Variants in SNX29 observed in about 807,000 individuals in gnomAD.
SNX29 encodes sorting nexin 29, also known as sorting nexin-29.
Under a neutral mutation model 102.1 loss-of-function variants are expected in SNX29, and 78 were observed. The observed-to-expected ratio is 0.76, with a 90% confidence interval of 0.64 to 0.92. The LOEUF (loss-of-function observed/expected upper bound fraction) is 0.92. SNX29 is among the 40% of genes least tolerant of loss of function. The probability of loss-of-function intolerance (pLI) is 0.00; values close to 1 mark genes in which losing one functional copy is unlikely to be tolerated. For synonymous variants in SNX29, 580 were observed against 414.5 expected (o/e 1.40, Z -4.85); for missense variants, 1,280 against 1,061.7 (o/e 1.21, Z -2.86).
intron 20 of SNX29, among the ~76,000 whole-genome samples, chr16:12,525,986 C>T (rs1167426259): frequency 3.9e-5 from 6 of 152,074 alleles, no homozygotes; most frequent in Non-Finnish European, 5.9e-5. Flanking sequence ...TTAGGGGAAC[C>T]AAAACCATCA....
At chr16:12,114,360 C>T (rs956200263) in intron 11 of SNX29, among the ~76,000 whole-genome samples, 4 of 152,312 alleles carry the variant, frequency 2.6e-5, no homozygotes, top group African/African-American at 7.2e-5. Flanking sequence ...CGTCCATGAC[C>T]TGTGGCCATG....
intron 19 of SNX29, among the ~76,000 whole-genome samples, chr16:12,508,281 A>G (rs897027953): frequency 1.3e-5 from 2 of 152,122 alleles, no homozygotes; most frequent in Non-Finnish European, 1.5e-5. Flanking sequence ...GCTGGGCCCC[A>G]TGCTTCCCAG....
intron 15 of SNX29, among the ~76,000 whole-genome samples, chr16:12,314,334 T>C (rs1253596781): frequency 6.6e-6 from 1 of 152,252 alleles, no homozygotes; most frequent in Non-Finnish European, 1.5e-5. Flanking sequence ...ATGAATGGTC[T>C]GCAGATGTAA....
At chr16:12,223,792 T>C (rs1161703963) in intron 14 of SNX29, among the ~76,000 whole-genome samples, 2 of 152,202 alleles carry the variant, frequency 1.3e-5, no homozygotes, top group Non-Finnish European at 2.9e-5. Flanking sequence ...TTTTCATCTG[T>C]CATCATGGTG....
At chr16:12,125,663 G>A (rs1235500155) in intron 11 of SNX29, among the ~76,000 whole-genome samples, 4 of 112,074 alleles carry the variant, frequency 3.6e-5, no homozygotes, top group Non-Finnish European at 6.6e-5. Context: ...TCACTATGTC[G>A]ACCAGGCTGG....
intron 15 of SNX29, among the ~76,000 whole-genome samples, chr16:12,305,878 T>A (rs1389471765): frequency 2.0e-5 from 3 of 152,198 alleles, no homozygotes; most frequent in Admixed American, 6.5e-5. Flanking sequence ...TGTAACCTGT[T>A]CGGATTTAAA....
chr16:12,250,437 A>G (rs2078388530), intron 14 of SNX29, among the ~76,000 whole-genome samples: 1 of 152,140 alleles, frequency 6.6e-6, no homozygotes, highest in Non-Finnish European at 1.5e-5. Flanking sequence ...TGTCAGGCAG[A>G]AGAGGGTTTT....
At chr16:12,274,619 C>T (rs1596717745) in intron 14 of SNX29, among the ~76,000 whole-genome samples, 1 of 151,976 alleles carries the variant, frequency 6.6e-6, no homozygotes, top group African/African-American at 2.4e-5. Context: ...TCACTGCAAC[C>T]TCTGCCTCCG....
At chr16:12,260,168 T>G (rs2078692377) in intron 14 of SNX29, among the ~76,000 whole-genome samples, 1 of 152,186 alleles carries the variant, frequency 6.6e-6, no homozygotes, top group Non-Finnish European at 1.5e-5. Context: ...TAAACCTATC[T>G]TTTTTATCCC....
At chr16:12,554,415 T>C (rs76216803) in intron 20 of SNX29, among the ~76,000 whole-genome samples, 2,439 of 152,322 alleles carry the variant, frequency 0.016, 48 homozygotes, top group African/African-American at 0.056. Context: ...TCTTCTGTAA[T>C]GTCAGCGTGT....
At chr16:12,423,140 T>G (rs900167881) in intron 18 of SNX29, among the ~76,000 whole-genome samples, 4 of 151,718 alleles carry the variant, frequency 2.6e-5, no homozygotes, top group Admixed American at 6.6e-5. Context: ...GTTCCAAAGA[T>G]GGACCCTCGG....
chr16:12,184,843 C>T (rs1243989232), intron 13 of SNX29, among the ~76,000 whole-genome samples: 1 of 152,184 alleles, frequency 6.6e-6, no homozygotes, highest in Non-Finnish European at 1.5e-5. Flanking sequence ...TTGAGGGAGT[C>T]TTGTTTTCCT....
chr16:12,075,609 C>G (rs1240523328), intron 10 of SNX29, among the ~76,000 whole-genome samples: 1 of 152,346 alleles, frequency 6.6e-6, no homozygotes, highest in Middle Eastern at 3.4e-3. Flanking sequence ...GCTCAGGGGT[C>G]AGGGGTCAGG....
intron 16 of SNX29, among the ~76,000 whole-genome samples, chr16:12,359,271 C>T (rs776064095): frequency 2.0e-5 from 3 of 152,172 alleles, no homozygotes; most frequent in African/African-American, 4.8e-5. Flanking sequence ...CCCAAGAAGT[C>T]GTCTTTGTTG....
At chr16:12,202,623 C>A (rs2076940280) in intron 14 of SNX29, among the ~76,000 whole-genome samples, 1 of 152,230 alleles carries the variant, frequency 6.6e-6, no homozygotes, top group African/African-American at 2.4e-5. Context: ...GACACCCTTT[C>A]TCCTCGCCAC....
chr16:12,413,893 TG>T (rs913032753), intron 18 of SNX29, among the ~76,000 whole-genome samples: 2 of 147,758 alleles, frequency 1.4e-5, no homozygotes, highest in Non-Finnish European at 3.0e-5. Flanking sequence ...CTTGCTTGTC[TG>T]GGGGGGATTG....
At chr16:12,053,158 G>T (rs2050375262) in intron 8 of SNX29, 1 of 152,134 alleles carries the variant, frequency 6.6e-6, no homozygotes, top group Middle Eastern at 3.4e-3. Context: ...AGCCAGGCAT[G>T]GTGGTGCATG....
chr16:12,009,966 G>A (rs2056592233), intron 3 of SNX29, among the ~76,000 whole-genome samples: 1 of 152,230 alleles, frequency 6.6e-6, no homozygotes, highest in African/African-American at 2.4e-5. Context: ...AATGCTAACG[G>A]GGGCAGTGGA....
chr16:12,227,371 G>A (rs541401140), intron 14 of SNX29, among the ~76,000 whole-genome samples: 2 of 152,288 alleles, frequency 1.3e-5, no homozygotes, highest in South Asian at 2.1e-4. Flanking sequence ...GTGGCTCCGC[G>A]GAAGATGGAT....
Sources: gnomAD v4.1 joint callset for allele counts (sites outside exome capture counted in the v4.1 genomes callset) on GRCh38, gnomAD v4.1.1 for gene constraint, MANE v1.5 for transcripts, NCBI Gene and HGNC (gene_info 2026-07-23, HGNC 2026-07-21) for gene names.